The following SLC19A3 variants were observed in gnomAD, a reference collection of about 807,000 sequenced individuals.
SLC19A3 encodes the protein thiamine transporter 2.
In SLC19A3, 31 loss-of-function variants were observed where a neutral mutation model predicts 40.2. The ratio of observed to expected loss-of-function variants is 0.77; its 90% CI spans 0.58 to 1.04. The LOEUF is 1.04. Ranked by LOEUF, SLC19A3 falls within the 50% of genes least tolerant of loss-of-function variation. The probability of loss-of-function intolerance (pLI) is 0.00; values close to 1 mark genes in which losing one functional copy is unlikely to be tolerated. For synonymous variants in SLC19A3, 212 were observed against 227.5 expected (o/e 0.93, Z 0.61); for missense variants, 592 against 596.7 (o/e 0.99, Z 0.08).
At chr2:227,706,544 G>A in intron 1 of SLC19A3, 1 of 1,016,450 alleles carries the variant, frequency 9.8e-7, no homozygotes, top group Non-Finnish European at 1.2e-6. Flanking sequence ...GCTGAGGCAG[G>A]TGGATCACCT....
At chr2:227,688,044 T>C in intron 5 of SLC19A3, 122 bp downstream of exon 5, 1 of 1,071,060 alleles carries the variant, frequency 9.3e-7, no homozygotes, top group Non-Finnish European at 1.4e-6. Context: ...AATATGATAA[T>C]GAAGGAATTA....
At chr2:227,689,443 G>C (rs747443669) in intron 4 of SLC19A3, among the ~76,000 whole-genome samples, 1 of 152,116 alleles carries the variant, frequency 6.6e-6, no homozygotes, top group African/African-American at 2.4e-5. Flanking sequence ...TTAGAACCAG[G>C]GAGTGGCATG....
At chr2:227,712,632 A>C (rs1696181444) in intron 1 of SLC19A3, among the ~76,000 whole-genome samples, 1 of 152,228 alleles carries the variant, frequency 6.6e-6, no homozygotes, top group South Asian at 2.1e-4. Context: ...CTATCCAAGA[A>C]TGTTCATATA....
At chr2:227,715,350 C>G (rs1003154628) in intron 1 of SLC19A3, among the ~76,000 whole-genome samples, 2 of 151,966 alleles carry the variant, frequency 1.3e-5, no homozygotes, top group African/African-American at 4.8e-5. Flanking sequence ...CAGAATAGTT[C>G]TGTTGTTTGT....
intron 2 of SLC19A3, chr2:227,700,902 A>C (rs952401111): frequency 7.7e-7 from 1 of 1,294,944 alleles, no homozygotes; most frequent in Admixed American, 2.3e-5. Flanking sequence ...CAAATCACTG[A>C]ACGTACCCAC....
At chr2:227,715,115 T>C (rs72964325) in intron 1 of SLC19A3, among the ~76,000 whole-genome samples, 22,220 of 149,086 alleles carry the variant, frequency 0.15, 2,129 homozygotes, top group South Asian at 0.34. Context: ...CCGCCGTGCC[T>C]GGCCTTGCCC....
At position 227,686,607 on chromosome 2, in the gene SLC19A3, C is replaced by T. The variant is rs780080112; in HGVS notation, c.*790G>A. 1 of 152,414 alleles carries T rather than the reference C, an allele frequency of 6.6e-6. No homozygotes were observed. The highest frequency in any genetic ancestry group is 1.5e-5 in the Non-Finnish European group (1 of 68,212). The allele number at this position is 152,414 out of a possible 1,614,324, so 9.4% of individuals were successfully genotyped here. A position where few individuals can be genotyped will look rare whatever the true frequency, so the allele number is the denominator to read the frequency against. On this transcript the variant is annotated 3_prime_UTR_variant, in exon 6 of 6. Transcript: ENST00000644224. Reference sequence around the variant, plus strand: ...TTGCTCGGATTACAGGAGTGAGCCACTGCACCTGGCCCATAGATGCATTAA... The same window carrying T: ...TTGCTCGGATTACAGGAGTGAGCCATTGCACCTGGCCCATAGATGCATTAA...
rs764386557 is a variant in SLC19A3, at chr2:227,699,472, T to G, written c.243A>C (p.Pro81=). The change falls in exon 3 of 6, where the codon CCA becomes CCC. Residue 81 remains proline, a synonymous_variant. Coordinates refer to ENST00000644224, the MANE Select transcript of SLC19A3 (RefSeq NM_025243.4). ...FVLTDYVRYK[P]VIILQGISFI... ...AACTGATACCTTGCAAGATGATGAC[T>G]GGCTTGTAGCGGACATAATCGGTGA... 1.2e-6 allele frequency: 2 copies of G among 1,614,180 alleles called. No individual in the cohort carries two copies. Among genetic ancestry groups the G allele is most frequent in the Non-Finnish European group, 1.7e-6 (2 of 1,180,024 alleles).
intron 2 of SLC19A3, chr2:227,701,885 T>G (rs1305570270): frequency 5.5e-6 from 2 of 364,260 alleles, no homozygotes; most frequent in African/African-American, 4.2e-5. Flanking sequence ...ATTAGTATAA[T>G]AGAATCAACG....
chr2:227,703,959 G>A lies in SLC19A3; in HGVS notation c.-2-1639C>T, dbSNP rs575277833. On this transcript the variant is annotated intron_variant, in intron 1 of 5. Transcript: ENST00000644224. This position sits in a 1 kb window ranked among gnomAD's most constrained non-coding sequence, Gnocchi z 4.7. ...GGTTTCTAATACAGCTGTCCAAATC[G>A]ATTTAGTTGGGATGGTCAAGCAGAA... Among the ~76,000 whole-genome samples the A allele has an allele frequency of 9.9e-5, 12 of 121,230 alleles. No homozygotes were observed. Among genetic ancestry groups the A allele is most frequent in the South Asian group, 6.5e-4 (2 of 3,074 alleles). 79.5% of individuals were successfully genotyped at this position (121,230 alleles called of 152,430 possible). A position where few individuals can be genotyped will look rare whatever the true frequency, so the allele number is the denominator to read the frequency against.
rs1695032736 is a variant in SLC19A3 at position 227,686,797 on chromosome 2, A to T, written c.*600T>A. On this transcript the variant is annotated 3_prime_UTR_variant, in exon 6 of 6. Coordinates refer to ENST00000644224, the MANE Select transcript of SLC19A3 (RefSeq NM_025243.4). Reference sequence around the variant, plus strand: ...AATGGAAAATAATCATAAAAAAATTAAATAATAATACTATCAAATCATAAC... The same window carrying T: ...AATGGAAAATAATCATAAAAAAATTTAATAATAATACTATCAAATCATAAC... 1 of 152,234 alleles carries T rather than the reference A, an allele frequency of 6.6e-6. No homozygotes were observed. The highest frequency in any genetic ancestry group is 2.1e-4 in the South Asian group (1 of 4,832). The allele number at this position is 152,234 out of a possible 1,614,324, so 9.4% of individuals were successfully genotyped here. A position where few individuals can be genotyped will look rare whatever the true frequency, so the allele number is the denominator to read the frequency against.
intron 1 of SLC19A3, among the ~76,000 whole-genome samples, chr2:227,704,396 A>G (rs968605160): frequency 6.6e-6 from 1 of 152,222 alleles, no homozygotes; most frequent in Non-Finnish European, 1.5e-5. Flanking sequence ...TACTTATGCA[A>G]TCTTTTAAAA....
chr2:227,708,008 T>A (rs1361897160), intron 1 of SLC19A3, among the ~76,000 whole-genome samples: 1 of 152,190 alleles, frequency 6.6e-6, no homozygotes, highest in African/African-American at 2.4e-5. Context: ...GGATTACACA[T>A]GTGAGCCACC....
chr2:227,686,598 A>C lies in SLC19A3; in HGVS notation c.*799T>G. ...CCTCCCAAATTGCTCGGATTACAGGAGTGAGCCACTGCACCTGGCCCATAG... is the reference window on the plus strand; with the variant it reads ...CCTCCCAAATTGCTCGGATTACAGGCGTGAGCCACTGCACCTGGCCCATAG... On this transcript the variant is annotated 3_prime_UTR_variant, in exon 6 of 6. Coordinates refer to ENST00000644224, the MANE Select transcript of SLC19A3 (RefSeq NM_025243.4). 6.6e-6 allele frequency: 1 copy of C among 152,500 alleles called. No individual in the cohort carries two copies. The highest frequency in any genetic ancestry group is 1.5e-5 in the Non-Finnish European group (1 of 68,260). The allele number at this position is 152,500 out of a possible 1,614,324, so 9.4% of individuals were successfully genotyped here. A position where few individuals can be genotyped will look rare whatever the true frequency, so the allele number is the denominator to read the frequency against.
At chr2:227,704,484 T>C (rs954668860) in intron 1 of SLC19A3, among the ~76,000 whole-genome samples, 1 of 152,242 alleles carries the variant, frequency 6.6e-6, no homozygotes, top group East Asian at 1.9e-4. Flanking sequence ...TGGTTGTCAC[T>C]GGATAGATGG....
At chr2:227,698,382 C>T (rs1190569401) in intron 3 of SLC19A3, among the ~76,000 whole-genome samples, 2 of 151,858 alleles carry the variant, frequency 1.3e-5, no homozygotes, top group African/African-American at 4.8e-5. Context: ...AGGATGGTCT[C>T]CATCTCCTGT....
In SLC19A3 at chr2:227,686,930, G is replaced by A. The variant is rs1333891782; in HGVS notation, c.*467C>T. ...AAACAGAAATACACTTAATAGAAGA[G>A]GAAAGAAAATGGTTCATGTGACACA... On this transcript the variant is annotated 3_prime_UTR_variant, in exon 6 of 6. Transcript: ENST00000644224. The A allele has an allele frequency of 6.5e-6, 1 of 154,060 alleles. No individual in the cohort carries two copies. The highest frequency in any genetic ancestry group is 1.4e-5 in the Non-Finnish European group (1 of 69,368). 9.5% of individuals were successfully genotyped at this position (154,060 alleles called of 1,614,324 possible). A position where few individuals can be genotyped will look rare whatever the true frequency, so the allele number is the denominator to read the frequency against.
At chr2:227,701,999 A>T in intron 2 of SLC19A3, 170 bp downstream of exon 2, 1 of 626,608 alleles carries the variant, frequency 1.6e-6, no homozygotes. Flanking sequence ...TTTTGCAAGT[A>T]AGAAGAGGAA....
chr2:227,714,511 G>A (rs1821), intron 1 of SLC19A3: 168,091 of 984,724 alleles, frequency 0.17, 15,352 homozygotes, highest in South Asian at 0.34. Flanking sequence ...CTGCCTTCAG[G>A]TCCAACTTCT....
Sources: allele counts gnomAD v4.1 joint callset (sites outside exome capture counted in the v4.1 genomes callset), GRCh38; gene constraint gnomAD v4.1.1; non-coding constraint Gnocchi (gnomAD v3.1); transcripts MANE v1.5; gene names NCBI Gene and HGNC (gene_info 2026-07-23, HGNC 2026-07-21).